The following MAGI2 variants were observed in gnomAD, a reference collection of about 807,000 sequenced individuals.
MAGI2 encodes the protein membrane-associated guanylate kinase, WW and PDZ domain-containing protein 2.
A neutral mutation model predicts 133.3 loss-of-function variants in MAGI2; 35 were observed. The ratio of observed to expected loss-of-function variants is 0.26; its 90% confidence interval spans 0.20 to 0.35. The LOEUF is 0.35. Among genes scored for constraint, MAGI2 ranks in the 10% least tolerant of loss-of-function variants. The probability of loss-of-function intolerance (pLI) is 1.00; values close to 1 mark genes in which losing one functional copy is unlikely to be tolerated. For synonymous variants in MAGI2, 729 were observed against 710.6 expected, an observed-to-expected ratio of 1.03 and a Z score of -0.41; for missense variants, 1,636 against 1,863.4, an observed-to-expected ratio of 0.88 and a Z score of 2.25.
intron 9 of MAGI2, among the ~76,000 whole-genome samples, chr7:78,274,851 G>A (rs1311632307): frequency 6.6e-6 from 1 of 152,208 alleles, no homozygotes; most frequent in African/African-American, 2.4e-5. Flanking sequence ...AGAATTTCAA[G>A]CCAGTGGATC....
chr7:79,135,800 G>A (rs926235652), intron 1 of MAGI2, among the ~76,000 whole-genome samples: 6 of 151,582 alleles, frequency 4.0e-5, no homozygotes, highest in Admixed American at 2.6e-4. Context: ...AATTAGCTGG[G>A]TGTGGTGGCA....
intron 10 of MAGI2, among the ~76,000 whole-genome samples, chr7:78,210,415 G>C (rs999678396): frequency 6.6e-6 from 1 of 152,164 alleles, no homozygotes; most frequent in Non-Finnish European, 1.5e-5. Context: ...TGAAATCTGT[G>C]ATGACTTCTA....
At chr7:78,478,787 G>A (rs1978324) in intron 6 of MAGI2, among the ~76,000 whole-genome samples, 110,430 of 151,802 alleles carry the variant, frequency 0.73, 41,851 homozygotes, top group African/African-American at 0.93. Flanking sequence ...TTTCTCTCCC[G>A]TATATCTTAG....
At chr7:79,197,345 C>T (rs1239026938) in intron 1 of MAGI2, among the ~76,000 whole-genome samples, 3 of 151,952 alleles carry the variant, frequency 2.0e-5, no homozygotes, top group Non-Finnish European at 4.4e-5. Flanking sequence ...CTGTAAAGAC[C>T]ATAAGCTTAA....
intron 1 of MAGI2, among the ~76,000 whole-genome samples, chr7:79,322,779 CAAA>C (rs57276019): frequency 0.016 from 2,132 of 136,332 alleles, 48 homozygotes; most frequent in African/African-American, 0.052. Flanking sequence ...GAGACTGTCT[CAAA>C]AAAAAAAAAA....
chr7:78,520,565 T>C (rs1369375029), intron 4 of MAGI2, among the ~76,000 whole-genome samples: 1 of 152,108 alleles, frequency 6.6e-6, no homozygotes. Flanking sequence ...CCCACTGCTA[T>C]GCTACCATTA....
At chr7:78,844,876 A>G (rs1340388719) in intron 2 of MAGI2, among the ~76,000 whole-genome samples, 2 of 151,972 alleles carry the variant, frequency 1.3e-5, no homozygotes, top group African/African-American at 4.8e-5. Flanking sequence ...TAAATACCTG[A>G]GGTGGCTATG....
chr7:78,492,290 A>G (rs1793696468), intron 5 of MAGI2, among the ~76,000 whole-genome samples: 3 of 152,048 alleles, frequency 2.0e-5, no homozygotes, highest in Admixed American at 2.0e-4. Context: ...ACTTTAATAC[A>G]TTTTGACAGA....
intron 1 of MAGI2, among the ~76,000 whole-genome samples, chr7:79,379,208 G>A (rs1461659107): frequency 6.6e-6 from 1 of 150,528 alleles, no homozygotes; most frequent in Non-Finnish European, 1.5e-5. Flanking sequence ...GAGAACATGT[G>A]GTGTTTGGTT....
chr7:79,246,826 C>T (rs1405546332), intron 1 of MAGI2, among the ~76,000 whole-genome samples: 1 of 152,056 alleles, frequency 6.6e-6, no homozygotes, highest in East Asian at 1.9e-4. Context: ...GCAGATTTAA[C>T]CCAAATAAGA....
intron 2 of MAGI2, among the ~76,000 whole-genome samples, chr7:78,974,529 T>G (rs185566789): frequency 3.0e-4 from 45 of 152,070 alleles, no homozygotes; most frequent in Admixed American, 3.0e-3. Context: ...CAGTTATAAA[T>G]CATATGTCAT....
chr7:78,115,611 G>A (rs1819786679), intron 20 of MAGI2, among the ~76,000 whole-genome samples: 1 of 151,832 alleles, frequency 6.6e-6, no homozygotes, highest in South Asian at 2.1e-4. Flanking sequence ...TACATAATGA[G>A]AAGGATTGAT....
Position 78,084,190 on chromosome 7 carries a change from A to G in MAGI2, c.3568-5105T>C, listed in dbSNP as rs541163842. ...GAATTGAGCTTCTTTGGAATACTAT[A>G]CCAATAAATCATGAATAATCTCTAT... On this transcript the variant is annotated intron_variant, in intron 20 of 21. Transcript: ENST00000354212. Among the ~76,000 whole-genome samples the G allele has an allele frequency of 2.2e-4, 34 of 152,318 alleles. 1 individual carries two copies. Among genetic ancestry groups the G allele is most frequent in the African/African-American group, 7.9e-4 (33 of 41,574 alleles).
chr7:78,882,086 C>CAAAAAAAAAAAAAAAAAAA (rs771918590), intron 2 of MAGI2, among the ~76,000 whole-genome samples: 7 of 12,466 alleles, frequency 5.6e-4, no homozygotes, highest in Non-Finnish European at 8.2e-4. Flanking sequence ...ACAACAACAA[C>CAAAAAAAAAAAAAAAAAAA]AAAAAAAAAA....
intron 3 of MAGI2, among the ~76,000 whole-genome samples, chr7:78,624,390 C>T (rs1808094266): frequency 6.6e-6 from 1 of 152,000 alleles, no homozygotes; most frequent in South Asian, 2.1e-4. Context: ...TTTACCCATG[C>T]CTATATCCTG....
intron 2 of MAGI2, among the ~76,000 whole-genome samples, chr7:78,713,033 G>C (rs1302698178): frequency 6.6e-6 from 1 of 152,020 alleles, no homozygotes; most frequent in East Asian, 1.9e-4. Flanking sequence ...TTAATCAGAA[G>C]AATTGAAATG....
intron 1 of MAGI2, among the ~76,000 whole-genome samples, chr7:79,358,301 T>C (rs1304603941): frequency 1.3e-5 from 2 of 152,108 alleles, no homozygotes; most frequent in Non-Finnish European, 2.9e-5. Context: ...AATGGAATTT[T>C]TCTGAATTCT....
intron 20 of MAGI2, among the ~76,000 whole-genome samples, chr7:78,122,446 CA>C (rs1237397320): frequency 6.6e-6 from 1 of 151,990 alleles, no homozygotes; most frequent in Non-Finnish European, 1.5e-5. Context: ...ATTGGTTGAA[CA>C]AAATGTTTTA....
At chr7:78,690,149 GTTT>G (rs1162125886) in intron 2 of MAGI2, among the ~76,000 whole-genome samples, 3 of 152,054 alleles carry the variant, frequency 2.0e-5, no homozygotes. Context: ...ACATTTTGTA[GTTT>G]TTATTTTCCT....
Sources: gnomAD v4.1 joint callset for allele counts (sites outside exome capture counted in the v4.1 genomes callset) on GRCh38, gnomAD v4.1.1 for gene constraint, MANE v1.5 for transcripts, NCBI Gene and HGNC (gene_info 2026-07-23, HGNC 2026-07-21) for gene names.